The following GBP7 variants were observed in gnomAD, a reference collection of about 807,000 sequenced individuals.
The protein encoded by GBP7 is guanylate binding protein 7.
A neutral mutation model predicts 61.3 loss-of-function variants in GBP7; 43 were observed. The observed-to-expected ratio is 0.70, with a 90% CI of 0.55 to 0.91. The LOEUF (loss-of-function observed/expected upper bound fraction) is 0.91, where lower values mean the gene tolerates loss of function less well. Ranked by LOEUF, GBP7 falls within the 40% of genes least tolerant of loss-of-function variation. GBP7 has a pLI of 0.00. For synonymous variants in GBP7, 267 were observed against 271.0 expected (o/e 0.99, Z 0.14); for missense variants, 717 against 740.5 (o/e 0.97, Z 0.37).
chr1:89,157,922 A>G (rs967054758), intron 3 of GBP7, among the ~76,000 whole-genome samples: 1 of 152,210 alleles, frequency 6.6e-6, no homozygotes, highest in African/African-American at 2.4e-5. Context: ...AGAGAATTTT[A>G]GACAAATATC....
intron 3 of GBP7, among the ~76,000 whole-genome samples, chr1:89,155,643 G>A (rs1309337765): frequency 6.6e-6 from 1 of 152,116 alleles, no homozygotes; most frequent in Non-Finnish European, 1.5e-5. Flanking sequence ...GAAGTGAGAA[G>A]AGAAGTTTAG....
chr1:89,163,593 G>T (rs1647336466), intron 3 of GBP7, among the ~76,000 whole-genome samples: 1 of 67,352 alleles, frequency 1.5e-5, no homozygotes. Flanking sequence ...TGGGGTCAGT[G>T]GTAACCATCC....
chr1:89,170,108 C>T (rs542409663), intron 2 of GBP7, among the ~76,000 whole-genome samples: 5 of 152,246 alleles, frequency 3.3e-5, no homozygotes, highest in Non-Finnish European at 7.4e-5. Context: ...TTAGCACTCT[C>T]GGCTTTAATT....
At chr1:89,172,839 T>C (rs1323882029) in intron 1 of GBP7, among the ~76,000 whole-genome samples, 2 of 152,174 alleles carry the variant, frequency 1.3e-5, no homozygotes, top group African/African-American at 2.4e-5. Flanking sequence ...GATTTTCTAT[T>C]ATAGTCATTC....
chr1:89,132,301 C>T lies in GBP7; in HGVS notation c.1765G>A (p.Glu589Lys). 1 of 1,613,946 alleles carries T rather than the reference C, an allele frequency of 6.2e-7. No individual in the cohort carries two copies. Among genetic ancestry groups the T allele is most frequent in the Non-Finnish European group, 8.5e-7 (1 of 1,179,920 alleles). Reference sequence around the variant, plus strand: ...AGAATCTGTGAAAACACTGAGGGCTCTTCATTTTCAGCTGCTTCAATTTGT... The same window carrying T: ...AGAATCTGTGAAAACACTGAGGGCTTTTCATTTTCAGCTGCTTCAATTTGT... ...KEQIEAAENE[E>K]PSVFSQILDV... Residue 589 changes from glutamate to lysine, a missense_variant, in exon 11 of 11, where the codon GAG becomes AAG. This residue lies in a region of GBP7 where 312 missense variants were observed against 310.1 expected (regional missense o/e 1.01). Transcript: ENST00000294671.
intron 4 of GBP7, 80 bp from the exon 5 acceptor site, chr1:89,152,544 C>G: frequency 6.6e-7 from 1 of 1,504,432 alleles, no homozygotes; most frequent in Non-Finnish European, 9.2e-7. Context: ...TATACACATT[C>G]CCTTTTGCAC....
In GBP7 at chr1:89,149,284, AAG is replaced by A; in HGVS notation, c.1152+6_1152+7del. On this transcript the variant is annotated splice_donor_region_variant and intron_variant, in intron 7 of 10. Coordinates refer to ENST00000294671, the MANE Select transcript of GBP7 (RefSeq NM_207398.3). ...GGAATCAAGAAAAAAAAAAATAACA[AAG>A]ATTACCACAAGCTTCTTCTGAAATT... 6.3e-7 allele frequency: 1 copy of A among 1,581,300 alleles called. No individual in the cohort carries two copies. Among genetic ancestry groups the A allele is most frequent in the Non-Finnish European group, 8.6e-7 (1 of 1,164,156 alleles).
chr1:89,140,258 G>C (rs1681903100), intron 9 of GBP7, among the ~76,000 whole-genome samples: 1 of 139,582 alleles, frequency 7.2e-6, no homozygotes, highest in African/African-American at 2.7e-5. Context: ...CATGGACACA[G>C]GAACAGGAAC....
At chr1:89,159,267 A>C (rs1038305076) in intron 3 of GBP7, among the ~76,000 whole-genome samples, 9 of 152,218 alleles carry the variant, frequency 5.9e-5, no homozygotes, top group Non-Finnish European at 1.0e-4. Flanking sequence ...CCTAGAAGAA[A>C]ACCTAGGCAA....
At chr1:89,172,772 T>TC (rs397817578) in intron 1 of GBP7, among the ~76,000 whole-genome samples, 16 of 151,886 alleles carry the variant, frequency 1.1e-4, no homozygotes, top group African/African-American at 3.9e-4. Context: ...TTTTTTTTTT[T>TC]CAGCCACTAC....
At chr1:89,149,234 C>G (rs1310558739) in intron 7 of GBP7, 58 bp downstream of exon 7, 27 of 1,447,190 alleles carry the variant, frequency 1.9e-5, no homozygotes, top group Non-Finnish European at 9.4e-7. Context: ...AAAAGGTGGA[C>G]TATAAGTATC....
chr1:89,150,788 T>G (rs1682179203), intron 5 of GBP7, among the ~76,000 whole-genome samples: 1 of 152,160 alleles, frequency 6.6e-6, no homozygotes, highest in South Asian at 2.1e-4. Context: ...AAAAGGTACT[T>G]CTGGAAATGA....
At chr1:89,140,416 T>TG (rs2100638966) in intron 9 of GBP7, among the ~76,000 whole-genome samples, 1 of 144,516 alleles carries the variant, frequency 6.9e-6, no homozygotes, top group South Asian at 2.2e-4. Flanking sequence ...ATTGTGCACA[T>TG]GCACCCTAAA....
chr1:89,163,963 G>C (rs970674188), intron 3 of GBP7, among the ~76,000 whole-genome samples: 1 of 151,748 alleles, frequency 6.6e-6, no homozygotes, highest in East Asian at 1.9e-4. Flanking sequence ...TCCACTTCCC[G>C]GGTCCAAGCG....
chr1:89,150,712 A>C, intron 5 of GBP7, 137 bp from the exon 6 acceptor site: 1 of 859,326 alleles, frequency 1.2e-6, no homozygotes, highest in Non-Finnish European at 1.8e-6. Flanking sequence ...CAAACCTCTC[A>C]TGCAACCAAA....
At position 89,152,435 on chromosome 1, in the gene GBP7, C is replaced by T; in HGVS notation, c.458G>A (p.Arg153Lys). The change falls in exon 5 of 11, where the codon AGG becomes AAG. Residue 153 changes from arginine (R) to lysine (K), a missense_variant. Physicochemically the swap from Arg to Lys is conservative, Grantham distance 26. Transcript: ENST00000294671. ...HYVTELTELI[R>K]AKSCPRPDEV... ...ATCAGGTCTGGGGCACGATTTTGCCCTGATTAGCTCTGTTAGCTCAGTCAC... is the reference window on the plus strand; with the variant it reads ...ATCAGGTCTGGGGCACGATTTTGCCTTGATTAGCTCTGTTAGCTCAGTCAC... The T allele has an allele frequency of 6.2e-7, 1 of 1,614,144 alleles. No individual in the cohort carries two copies. The highest frequency in any genetic ancestry group is 8.5e-7 in the Non-Finnish European group (1 of 1,180,002).
rs200147635 is a variant in GBP7, at chr1:89,132,408, A to G, written c.1663-5T>C. 33 of 1,570,218 alleles carry G rather than the reference A, an allele frequency of 2.1e-5. No individual in the cohort carries two copies. In the South Asian group the frequency reaches 3.7e-4, roughly 17 times the overall value. ...AGTAAGCAGTTCTTCTAGGACCTAT[A>G]AAAGTAAAAGAGCCTACTTTTGAAA... On this transcript the variant is annotated splice_polypyrimidine_tract_variant and splice_region_variant and intron_variant, in intron 10 of 10. Coordinates refer to ENST00000294671, the MANE Select transcript of GBP7 (RefSeq NM_207398.3).
chr1:89,149,382 G>T lies in GBP7; in HGVS notation c.1062C>A (p.Asp354Glu). The T allele has an allele frequency of 1.9e-6, 3 of 1,614,106 alleles. No homozygotes were observed. The highest frequency in any genetic ancestry group is 2.5e-6 in the Non-Finnish European group (3 of 1,180,000). ...CTTCCCTCTCACAAACTGCATGCAC[G>T]TCCAGCAGCTCCTGGAGTGTGTCTG... ...FPTDTLQELLDVHAVCEREAI... is the reference protein window; with the variant it reads ...FPTDTLQELLEVHAVCEREAI... The change falls in exon 7 of 11, where the codon GAC (aspartate) becomes GAA (glutamate). Residue 354 changes from aspartate to glutamate, a missense_variant. Transcript: ENST00000294671.
At chr1:89,149,147 C>A in intron 7 of GBP7, 145 bp downstream of exon 7, 1 of 603,056 alleles carries the variant, frequency 1.7e-6, no homozygotes, top group Non-Finnish European at 2.6e-6. Context: ...AAATAAAAAA[C>A]TGTAGCCCAT....
Sources: gnomAD v4.1 joint callset for allele counts (sites outside exome capture counted in the v4.1 genomes callset) on GRCh38, gnomAD v4.1.1 for gene constraint, gnomAD v4.1.1 regional missense constraint, MANE v1.5 for transcripts, NCBI Gene and HGNC (gene_info 2026-07-23, HGNC 2026-07-21) for gene names.